EPG5: variants seen among roughly 807,000 people sequenced by gnomAD.
EPG5 encodes ectopic P-granules 5 autophagy tethering factor.
In EPG5, 159 loss-of-function variants were observed where a neutral mutation model predicts 302.7. The observed-to-expected ratio is 0.53, with a 90% CI of 0.46 to 0.60. The LOEUF (loss-of-function observed/expected upper bound fraction) is 0.60, where lower values mean the gene tolerates loss of function less well. Among genes scored for constraint, EPG5 ranks in the 20% least tolerant of loss-of-function variants. The pLI, the probability that EPG5 is intolerant of heterozygous loss-of-function variation, is 0.00. For synonymous variants in EPG5, 1,158 were observed against 1,136.8 expected (o/e 1.02, Z -0.37); for missense variants, 2,896 against 3,092.4 (o/e 0.94, Z 1.51).
chr18:45,882,574 A>G, intron 30 of EPG5, 87 bp from the exon 31 acceptor site: 1 of 1,070,446 alleles, frequency 9.3e-7, no homozygotes, highest in Non-Finnish European at 1.3e-6. Flanking sequence ...TTTAGTTTAA[A>G]AGCCAAAAAT....
At chr18:45,821,263 A>G in the EPG5 span, among the ~76,000 whole-genome samples, 4 of 152,232 alleles carry the variant, frequency 2.6e-5, no homozygotes, top group African/African-American at 9.6e-5. Context: ...ACTGTGAGAA[A>G]TCCATGCATG....
the EPG5 span, chr18:45,837,827 C>G: frequency 6.5e-7 from 1 of 1,535,972 alleles, no homozygotes; most frequent in South Asian, 1.2e-5. Context: ...CTACTTCTGC[C>G]GCGTCGAGTT....
chr18:45,846,521 C>CAAA (rs67294951), downstream of EPG5, among the ~76,000 whole-genome samples: 60 of 46,370 alleles, frequency 1.3e-3, no homozygotes, highest in African/African-American at 4.3e-3. Context: ...AACTCCCTCT[C>CAAA]AAAAAAAAAA....
At chr18:45,938,633 T>G (rs1432364748) in intron 10 of EPG5, among the ~76,000 whole-genome samples, 1 of 152,186 alleles carries the variant, frequency 6.6e-6, no homozygotes. Context: ...AACCCCCACT[T>G]ACATTTGAAA....
chr18:45,889,968 C>T, intron 27 of EPG5, 28 bp from the exon 28 acceptor site: 4 of 1,534,364 alleles, frequency 2.6e-6, no homozygotes, highest in Middle Eastern at 2.2e-4. Flanking sequence ...TATCAAAAGA[C>T]ATTTCCCCCC....
chr18:45,961,790 A>G (rs1215793519), intron 1 of EPG5, among the ~76,000 whole-genome samples: 1 of 151,722 alleles, frequency 6.6e-6, no homozygotes, highest in East Asian at 1.9e-4. Flanking sequence ...CCTGGGAGGC[A>G]AAGGTTGCAG....
chr18:45,811,580 A>G, the EPG5 span, among the ~76,000 whole-genome samples: 2 of 152,178 alleles, frequency 1.3e-5, no homozygotes, highest in Non-Finnish European at 2.9e-5. Flanking sequence ...GATCAAGTGG[A>G]CTTCATCCCT....
chr18:45,801,088 G>A, the EPG5 span, among the ~76,000 whole-genome samples: 5 of 152,160 alleles, frequency 3.3e-5, no homozygotes, highest in East Asian at 7.7e-4. Context: ...CCAGGCTGGA[G>A]TGCAGTGGTA....
chr18:45,905,011 A>G (rs906176609), intron 24 of EPG5, among the ~76,000 whole-genome samples: 1 of 152,158 alleles, frequency 6.6e-6, no homozygotes, highest in African/African-American at 2.4e-5. Context: ...TGCTCTCCCT[A>G]TTTTCCTATA....
intron 23 of EPG5, among the ~76,000 whole-genome samples, chr18:45,908,721 C>T (rs1317021317): frequency 2.0e-5 from 3 of 152,122 alleles, no homozygotes; most frequent in Admixed American, 6.6e-5. Flanking sequence ...AAGGCCAAGG[C>T]GGGCGGATCA....
chr18:45,884,965 A>G (rs943295537), intron 29 of EPG5, among the ~76,000 whole-genome samples, 154 bp from the exon 30 acceptor site: 1 of 152,242 alleles, frequency 6.6e-6, no homozygotes, highest in Non-Finnish European at 1.5e-5. Context: ...ATCAACATAG[A>G]TAAGCCTATT....
At chr18:45,854,820 C>A (rs1344611046) in intron 43 of EPG5, among the ~76,000 whole-genome samples, 1 of 152,206 alleles carries the variant, frequency 6.6e-6, no homozygotes, top group Non-Finnish European at 1.5e-5. Flanking sequence ...ATGATCACAC[C>A]ATTGCACTCC....
Position 45,967,308 on chromosome 18 carries a change from T to G in EPG5, c.-69A>C. ...CTGCGCTTCAAGCAACCTGCCCGGTTCTGGCCTCCGGACTGTCACATGATC... is the reference window on the plus strand; with the variant it reads ...CTGCGCTTCAAGCAACCTGCCCGGTGCTGGCCTCCGGACTGTCACATGATC... On this transcript the variant is annotated 5_prime_UTR_variant, in exon 1 of 44. Transcript: ENST00000282041. 1 of 1,434,806 alleles carries G rather than the reference T, an allele frequency of 7.0e-7. No homozygotes were observed. The highest frequency in any genetic ancestry group is 1.4e-5 in the African/African-American group (1 of 69,884). 88.9% of individuals were successfully genotyped at this position (1,434,806 alleles called of 1,614,324 possible).
At chr18:45,841,531 G>A in the EPG5 span, among the ~76,000 whole-genome samples, 14 of 152,240 alleles carry the variant, frequency 9.2e-5, no homozygotes, top group African/African-American at 3.4e-4. Flanking sequence ...CCGTTGGCAA[G>A]GCTGAGGCTG....
the EPG5 span, among the ~76,000 whole-genome samples, chr18:45,831,824 G>A: frequency 4.6e-5 from 7 of 151,010 alleles, no homozygotes; most frequent in South Asian, 2.1e-4. Context: ...TGCAGCCTCC[G>A]CCTCCCGGGT....
chr18:45,923,703 A>C lies in EPG5; in HGVS notation c.2719-316T>G, dbSNP rs530264659. On this transcript the variant is annotated intron_variant, in intron 14 of 43. Transcript: ENST00000282041. Reference sequence around the variant, plus strand: ...ACTTCGGGTCAAGGGCAACGCCACAAACCAGGAAGATGCTTAATTAAACAG... The same window carrying C: ...ACTTCGGGTCAAGGGCAACGCCACACACCAGGAAGATGCTTAATTAAACAG... Among the ~76,000 whole-genome samples the C allele has an allele frequency of 7.9e-5, 12 of 152,366 alleles. No individual in the cohort carries two copies. The South Asian group carries it at 2.3e-3, about 29-fold the overall frequency.
At chr18:45,875,329 C>G (rs2048946314) in intron 35 of EPG5, among the ~76,000 whole-genome samples, 1 of 152,060 alleles carries the variant, frequency 6.6e-6, no homozygotes, top group Non-Finnish European at 1.5e-5. Context: ...AGACAACCCC[C>G]AACAGGAATT....
the EPG5 span, among the ~76,000 whole-genome samples, chr18:45,812,713 C>T: frequency 3.3e-5 from 5 of 152,280 alleles, no homozygotes; most frequent in South Asian, 6.2e-4. Flanking sequence ...ACCGGCTAGC[C>T]ATATGTAGAA....
the EPG5 span, among the ~76,000 whole-genome samples, chr18:45,836,472 C>A: frequency 2.0e-5 from 3 of 152,092 alleles, no homozygotes; most frequent in Non-Finnish European, 2.9e-5. Flanking sequence ...CTGGCCTTAT[C>A]CTCTGAGGCG....
Sources: gnomAD v4.1 joint callset for allele counts (sites outside exome capture counted in the v4.1 genomes callset) on GRCh38, gnomAD v4.1.1 for gene constraint, MANE v1.5 for transcripts, NCBI Gene and HGNC (gene_info 2026-07-23, HGNC 2026-07-21) for gene names.